Variants in SIMC1 observed in about 807,000 individuals in gnomAD.
SIMC1 encodes SUMO-interacting motif-containing protein 1.
Under a neutral mutation model 82.3 loss-of-function variants are expected in SIMC1, and 55 were observed. The observed-to-expected ratio is 0.67, with a 90% confidence interval of 0.54 to 0.84. The LOEUF (loss-of-function observed/expected upper bound fraction) is 0.84, where lower values mean the gene tolerates loss of function less well. Ranked by LOEUF, SIMC1 falls within the 40% of genes least tolerant of loss-of-function variation. The pLI is 0.00. For synonymous variants in SIMC1, 353 were observed against 426.3 expected (o/e 0.83, Z 2.12); for missense variants, 915 against 1,107.2 (o/e 0.83, Z 2.46).
chr5:176,342,402 C>T (rs1019519377), intron 9 of SIMC1, among the ~76,000 whole-genome samples: 1 of 152,062 alleles, frequency 6.6e-6, no homozygotes, highest in African/African-American at 2.4e-5. Flanking sequence ...TTAAGTTTCT[C>T]GATTTATAAA....
intron 4 of SIMC1, among the ~76,000 whole-genome samples, chr5:176,311,387 G>C (rs1210771924): frequency 6.6e-6 from 1 of 151,996 alleles, no homozygotes; most frequent in Non-Finnish European, 1.5e-5. Flanking sequence ...ACAGGCACAT[G>C]CTATCACGCC....
At position 176,290,028 on chromosome 5, in the gene SIMC1, T is replaced by G; in HGVS notation, c.504T>G (p.Gly168=). The G allele has an allele frequency of 6.2e-7, 1 of 1,613,494 alleles. No individual in the cohort carries two copies. The highest frequency in any genetic ancestry group is 8.5e-7 in the Non-Finnish European group (1 of 1,179,722). Residue 168 remains glycine, a synonymous_variant, in exon 2 of 10, where the codon GGT becomes GGG. Coordinates refer to ENST00000429602, the MANE Select transcript of SIMC1 (RefSeq NM_001308195.2). ...EPNCSSATFT[G]NLSFLASLQL... is the part of the protein sequence containing the mutation. ...ATTGTAGCTCAGCCACATTCACAGG[T>G]AACCTCAGCTTCTTGGCAAGTCTAC...
chr5:176,277,873 C>A (rs1404933521), intron 1 of SIMC1, among the ~76,000 whole-genome samples: 1 of 151,342 alleles, frequency 6.6e-6, no homozygotes, highest in East Asian at 1.9e-4. Context: ...AGTTTGAAGT[C>A]AGGTAGCGTG....
At chr5:176,293,266 C>CAT (rs1273272794) in intron 2 of SIMC1, among the ~76,000 whole-genome samples, 6 of 151,326 alleles carry the variant, frequency 4.0e-5, no homozygotes, top group East Asian at 3.9e-4. Flanking sequence ...AGTGAAACCC[C>CAT]CTCTATAAAA....
chr5:176,309,148 G>A (rs376867123), intron 4 of SIMC1: 1 of 611,098 alleles, frequency 1.6e-6, no homozygotes. Flanking sequence ...TAGTAATCAA[G>A]ATAGATGGTA....
At chr5:176,335,569 C>T (rs1053195698) in intron 7 of SIMC1, among the ~76,000 whole-genome samples, 13 of 151,816 alleles carry the variant, frequency 8.6e-5, no homozygotes, top group Middle Eastern at 3.4e-3. Flanking sequence ...TGAGCCACCA[C>T]GCCCGGCCTT....
chr5:176,252,578 G>A (rs1349514298), intron 1 of SIMC1, among the ~76,000 whole-genome samples: 9 of 151,474 alleles, frequency 5.9e-5, no homozygotes, highest in African/African-American at 2.2e-4. Context: ...TTCCTAGATG[G>A]GATGGCAGCC....
intron 9 of SIMC1, among the ~76,000 whole-genome samples, chr5:176,343,772 CTTTT>C (rs568636368): frequency 3.2e-4 from 48 of 151,990 alleles, no homozygotes; most frequent in East Asian, 1.9e-3. Context: ...CGAAACTTTT[CTTTT>C]TTTGTTTTTT....
At chr5:176,258,053 G>A (rs966076196) in intron 1 of SIMC1, among the ~76,000 whole-genome samples, 4 of 152,158 alleles carry the variant, frequency 2.6e-5, no homozygotes, top group Admixed American at 2.6e-4. Context: ...CTTTCTAAGC[G>A]GAAGTACAGT....
intron 1 of SIMC1, among the ~76,000 whole-genome samples, chr5:176,283,000 G>A (rs1051947837): frequency 3.5e-4 from 53 of 152,316 alleles, no homozygotes; most frequent in African/African-American, 1.2e-3. Flanking sequence ...AACGAACAAA[G>A]CCTCCAAGAA....
Position 176,308,173 on chromosome 5 carries a change from G to T in SIMC1, c.1735-5518G>T. On this transcript the variant is annotated intron_variant, in intron 4 of 9. Transcript: ENST00000429602. ...CAGAGAAGGAGGAAGTGATGGGGCT[G>T]TGGATAGGGGAGTTGAACAATGATA... The T allele has an allele frequency of 2.4e-6, 3 of 1,226,822 alleles. No homozygotes were observed. The South Asian group carries it at 3.8e-5, about 15-fold the overall frequency. 76.0% of individuals were successfully genotyped at this position (1,226,822 alleles called of 1,614,324 possible). A position where few individuals can be genotyped will look rare whatever the true frequency, so the allele number is the denominator to read the frequency against.
At chr5:176,276,795 G>C (rs897642825) in intron 1 of SIMC1, among the ~76,000 whole-genome samples, 1 of 140,206 alleles carries the variant, frequency 7.1e-6, no homozygotes, top group Non-Finnish European at 1.6e-5. Context: ...TTTTATGGCT[G>C]CATAGTATTC....
intron 3 of SIMC1, 35 bp from the exon 4 acceptor site, chr5:176,296,216 C>A (rs1181921474): frequency 5.0e-6 from 8 of 1,598,010 alleles, no homozygotes; most frequent in Middle Eastern, 1.7e-4. Flanking sequence ...CCGCTAAATT[C>A]TCCATAATTC....
chr5:176,291,811 A>G (rs1207380040), intron 2 of SIMC1, among the ~76,000 whole-genome samples: 1 of 152,126 alleles, frequency 6.6e-6, no homozygotes, highest in Non-Finnish European at 1.5e-5. Context: ...TAGCTTTCCT[A>G]TCTGTAAAAT....
chr5:176,271,842 T>C (rs1012455079), intron 1 of SIMC1, among the ~76,000 whole-genome samples: 7 of 147,338 alleles, frequency 4.8e-5, no homozygotes, highest in African/African-American at 1.7e-4. Flanking sequence ...AAATATCTCA[T>C]GTACCCCATA....
chr5:176,323,903 G>A (rs569875340), intron 6 of SIMC1, among the ~76,000 whole-genome samples: 1 of 151,840 alleles, frequency 6.6e-6, no homozygotes, highest in African/African-American at 2.4e-5. Context: ...CAGGAGAATG[G>A]AGTGAACCTG....
At chr5:176,288,423 G>GAATGAATAAATAAATAAATA (rs1554109230) in intron 1 of SIMC1, among the ~76,000 whole-genome samples, 62 of 126,800 alleles carry the variant, frequency 4.9e-4, no homozygotes, top group Non-Finnish European at 6.7e-4. Flanking sequence ...ATGAATGAAT[G>GAATGAATAAATAAATAAATA]AATAAATAAA....
At chr5:176,305,189 T>G (rs866597541) in intron 4 of SIMC1, among the ~76,000 whole-genome samples, 5 of 23,356 alleles carry the variant, frequency 2.1e-4, no homozygotes, top group Admixed American at 1.2e-3. Context: ...GGGAGGGAGG[T>G]GGGGGGTCAG....
chr5:176,330,056 G>A (rs1477780617), intron 7 of SIMC1, among the ~76,000 whole-genome samples: 1 of 152,066 alleles, frequency 6.6e-6, no homozygotes, highest in African/African-American at 2.4e-5. Flanking sequence ...CTTAGTAGCA[G>A]TGGAGCACAC....
Sources: allele counts gnomAD v4.1 joint callset (sites outside exome capture counted in the v4.1 genomes callset), GRCh38; gene constraint gnomAD v4.1.1; transcripts MANE v1.5; gene names NCBI Gene and HGNC (gene_info 2026-07-23, HGNC 2026-07-21).